Variants in ANKRD35 observed in about 807,000 individuals in gnomAD.
ANKRD35 encodes ankyrin repeat domain-containing protein 35.
ANKRD35 carries 102 observed loss-of-function variants against 109.9 expected under a neutral mutation model. That is an observed-to-expected ratio of 0.93 (90% CI 0.79 to 1.09). The LOEUF is 1.09. ANKRD35 is among the 50% of genes least tolerant of loss of function. ANKRD35 has a pLI of 0.00. For synonymous variants in ANKRD35, 515 were observed against 512.4 expected, an observed-to-expected ratio of 1.01 and a Z score of -0.07; for missense variants, 1,240 against 1,230.1, an observed-to-expected ratio of 1.01 and a Z score of -0.12.
chr1:145,878,508 G>C, intron 2 of ANKRD35, 29 bp from the exon 3 acceptor site: 1 of 1,546,670 alleles, frequency 6.5e-7, no homozygotes, highest in Non-Finnish European at 8.8e-7. Context: ...AGAGGCCAAA[G>C]GATAAAGGGA....
At chr1:145,885,459 A>ATGCT (rs1654442917) in intron 1 of ANKRD35, among the ~76,000 whole-genome samples, 1 of 151,958 alleles carries the variant, frequency 6.6e-6, no homozygotes, top group Admixed American at 6.6e-5. Flanking sequence ...AACGAACCAG[A>ATGCT]AATCGGGGGT....
intron 5 of ANKRD35, 31 bp from the exon 6 acceptor site, chr1:145,876,670 G>A (rs904646593): frequency 6.2e-7 from 1 of 1,613,640 alleles, no homozygotes; most frequent in Non-Finnish European, 8.5e-7. Flanking sequence ...TTAAGGGGAA[G>A]CATGAAGAAA....
chr1:145,872,436 T>TG lies in ANKRD35; in HGVS notation c.2332dup (p.Gln778ProfsTer46). On this transcript the variant is annotated frameshift_variant, in exon 10 of 14. Transcript: ENST00000355594. LOFTEE classifies it high-confidence loss of function. ...CAGGTCTTGCTCCAGAGCGGCCACTTGGGGGGATGCTGGGGCCTTTAAGGA... is the reference window on the plus strand; with the variant it reads ...CAGGTCTTGCTCCAGAGCGGCCACTTGGGGGGGATGCTGGGGCCTTTAAGGA... 1.2e-6 allele frequency: 2 copies of TG among 1,611,346 alleles called. No homozygotes were observed.
intron 1 of ANKRD35, among the ~76,000 whole-genome samples, chr1:145,884,935 C>G (rs1304673253): frequency 6.6e-6 from 1 of 152,202 alleles, no homozygotes; most frequent in African/African-American, 2.4e-5. Context: ...AGTCAGGCAA[C>G]TGTGCATCCT....
At chr1:145,878,133 G>A (rs1654151622) in intron 3 of ANKRD35, 101 bp from the exon 4 acceptor site, 1 of 1,193,504 alleles carries the variant, frequency 8.4e-7, no homozygotes, top group Non-Finnish European at 1.2e-6. Flanking sequence ...CAGGAGATTA[G>A]GGAGAGAAGC....
chr1:145,885,632 G>T, intron 1 of ANKRD35, 88 bp downstream of exon 1: 1 of 1,421,060 alleles, frequency 7.0e-7, no homozygotes, highest in Non-Finnish European at 9.9e-7. Flanking sequence ...AAAAGAAAAG[G>T]CGATGATGCA....
In ANKRD35 at chr1:145,873,391, G is replaced by T. The variant is rs782008569; in HGVS notation, c.1378C>A (p.Leu460Met). ...GAACTCTCCTTCTGACCAGCAGGCA[G>T]CTGGTCAGCATGATCAGGGCCAAAG... Reference protein sequence around the residue: ...QTFGPDHADQLPAGQKESSQV... With the variant: ...QTFGPDHADQMPAGQKESSQV... Residue 460 changes from leucine (L) to methionine (M), a missense_variant, in exon 10 of 14, where the codon CTG (leucine) becomes ATG (methionine). Physicochemically the swap from Leu to Met is conservative, Grantham distance 15. Transcript: ENST00000355594. 6.2e-7 allele frequency: 1 copy of T among 1,614,192 alleles called. No individual in the cohort carries two copies. The highest frequency in any genetic ancestry group is 1.7e-5 in the Admixed American group (1 of 60,036).
chr1:145,880,632 T>A, intron 1 of ANKRD35, among the ~76,000 whole-genome samples: 1 of 152,294 alleles, frequency 6.6e-6, no homozygotes, highest in Non-Finnish European at 1.5e-5. Flanking sequence ...TAGCATTTTA[T>A]AAGGTATAAT....
chr1:145,884,073 G>T (rs1371394416), intron 1 of ANKRD35, among the ~76,000 whole-genome samples: 1 of 152,180 alleles, frequency 6.6e-6, no homozygotes, highest in Non-Finnish European at 1.5e-5. Flanking sequence ...CCTTGGAAAG[G>T]AGGTACTGCC....
At chr1:145,878,741 A>G (rs1341276194) in intron 2 of ANKRD35, among the ~76,000 whole-genome samples, 3 of 152,188 alleles carry the variant, frequency 2.0e-5, no homozygotes, top group Non-Finnish European at 4.4e-5. Flanking sequence ...GGGAACACAT[A>G]ATTACCTGCC....
Position 145,872,783 on chromosome 1 carries a change from C to G in ANKRD35, c.1986G>C (p.Ala662=), listed in dbSNP as rs1280507072. ...GTCGCAACTGCTGTAGCTGGACCTG[C>G]GCCTGTGGCTTGGGCACAAACTCCC... The part of the protein sequence containing the change: ...LQREFVPKPQ[A]QVQLQQLRQS... The change falls in exon 10 of 14, where the codon GCG becomes GCC. Residue 662 remains alanine (A), a synonymous_variant. Transcript: ENST00000355594. 6.2e-7 allele frequency: 1 copy of G among 1,614,018 alleles called. No homozygotes were observed. Among genetic ancestry groups the G allele is most frequent in the Non-Finnish European group, 8.5e-7 (1 of 1,180,002 alleles).
intron 6 of ANKRD35, 151 bp from the exon 7 acceptor site, chr1:145,876,397 C>T: frequency 8.8e-7 from 1 of 1,130,236 alleles, no homozygotes; most frequent in South Asian, 1.4e-5. Flanking sequence ...TAGAAGCTCT[C>T]CAGAAGATAA....
At chr1:145,876,275 A>G in intron 6 of ANKRD35, 29 bp from the exon 7 acceptor site, 2 of 1,596,500 alleles carry the variant, frequency 1.3e-6, no homozygotes, top group Non-Finnish European at 1.7e-6. Flanking sequence ...GAGGTTCATG[A>G]GCAGCCAGGG....
In ANKRD35 at chr1:145,872,203, G is replaced by A. The variant is rs782663421; in HGVS notation, c.2566C>T (p.Leu856=). 7.5e-6 allele frequency: 12 copies of A among 1,608,984 alleles called. No individual in the cohort carries two copies. Among genetic ancestry groups the A allele is most frequent in the African/African-American group, 1.3e-5 (1 of 74,718 alleles). ...AQAWGQELKA[L]LEKYNTACRE... Reference sequence around the variant, plus strand: ...CAGGCCGTATTATACTTTTCCAACAGAGCCTTTAGCTCCTGGCCCCAAGCC... The same window carrying A: ...CAGGCCGTATTATACTTTTCCAACAAAGCCTTTAGCTCCTGGCCCCAAGCC... The change falls in exon 10 of 14, where the codon CTG becomes TTG. Residue 856 remains leucine, a synonymous_variant. Transcript: ENST00000355594.
rs151137402 is a variant in ANKRD35 at position 145,881,614 on chromosome 1, G to C, written c.40-2226C>G. ...AGAGCTAGAACTATGCCCCACGACA[G>C]GGTGCTGCCATCAGCTGACGTCAAC... On this transcript the variant is annotated intron_variant, in intron 1 of 13. Transcript: ENST00000355594. Among the ~76,000 whole-genome samples the C allele has an allele frequency of 3.3e-5, 5 of 152,328 alleles. No homozygotes were observed. The South Asian group carries it at 1.0e-3, about 32-fold the overall frequency.
Position 145,873,906 on chromosome 1 carries a change from T to C in ANKRD35, c.863A>G (p.Lys288Arg), listed in dbSNP as rs782161857. The change falls in exon 10 of 14, where the codon AAG becomes AGG. Residue 288 changes from lysine (K) to arginine (R), a missense_variant. Transcript: ENST00000355594. The part of the protein sequence containing the change: ...RAEPEEEQEE[K>R]EDEDPCSEEW... Reference sequence around the variant, plus strand: ...CTCCGAGCACGGGTCTTCATCCTCCTTCTCCTCTTGCTCCTCTTCAGGCTC... The same window carrying C: ...CTCCGAGCACGGGTCTTCATCCTCCCTCTCCTCTTGCTCCTCTTCAGGCTC... The C allele has an allele frequency of 6.2e-7, 1 of 1,614,152 alleles. No individual in the cohort carries two copies. Among genetic ancestry groups the C allele is most frequent in the East Asian group, 2.2e-5 (1 of 44,882 alleles).
rs1469281587 is a variant in ANKRD35, at chr1:145,885,720, C to G, written c.39G>C (p.Ala13=). 3 of 1,614,130 alleles carry G rather than the reference C, an allele frequency of 1.9e-6. No homozygotes were observed. Among genetic ancestry groups the G allele is most frequent in the Admixed American group, 1.7e-5 (1 of 60,020 alleles). ...TCCTCCCACACATTTTGGCACCTAC[C>G]GCCACCTGTGTGCTGGAGCAGGAGA... ...RIFSCSSTQV[A]VERWNRHDQK... Residue 13 remains alanine (A), a splice_region_variant and synonymous_variant, in exon 1 of 14, where the codon GCG becomes GCC. Transcript: ENST00000355594.
intron 1 of ANKRD35, 37 bp from the exon 2 acceptor site, chr1:145,879,425 T>C: frequency 4.1e-6 from 6 of 1,454,474 alleles, no homozygotes; most frequent in Non-Finnish European, 5.5e-6. Context: ...ATATAGGGCA[T>C]GAGGGTAGTG....
In ANKRD35 at chr1:145,873,199, T is replaced by A. The variant is rs1269443409; in HGVS notation, c.1570A>T (p.Thr524Ser). Residue 524 changes from threonine to serine, a missense_variant, in exon 10 of 14, where the codon ACT (threonine) becomes TCT (serine). Transcript: ENST00000355594. Reference protein sequence around the residue: ...SRPVMEGALGTPRAEAAAAAW... With the variant: ...SRPVMEGALGSPRAEAAAAAW... ...GCTGCTGCTGCCTCAGCACGGGGAGTCCCCAGGGCTCCCTCCATGACCGGT... is the reference window on the plus strand; with the variant it reads ...GCTGCTGCTGCCTCAGCACGGGGAGACCCCAGGGCTCCCTCCATGACCGGT... 2 of 1,613,728 alleles carry A rather than the reference T, an allele frequency of 1.2e-6. No individual in the cohort carries two copies. The highest frequency in any genetic ancestry group is 1.7e-5 in the Admixed American group (1 of 59,964).
Sources: gnomAD v4.1 joint callset for allele counts (sites outside exome capture counted in the v4.1 genomes callset) on GRCh38, gnomAD v4.1.1 for gene constraint, MANE v1.5 for transcripts, NCBI Gene and HGNC (gene_info 2026-07-23, HGNC 2026-07-21) for gene names.